The following MYO7B variants were observed in gnomAD, a reference collection of about 807,000 sequenced individuals.
The protein encoded by MYO7B is unconventional myosin-VIIb.
Under a neutral mutation model 259.7 loss-of-function variants are expected in MYO7B, and 212 were observed. The observed-to-expected ratio is 0.82, with a 90% CI of 0.73 to 0.91. MYO7B has a LOEUF of 0.91. Among genes scored for constraint, MYO7B ranks in the 40% least tolerant of loss-of-function variants. The pLI is 0.00. For missense variants in MYO7B, 2,732 were observed against 2,813.5 expected, an observed-to-expected ratio of 0.97 and a Z score of 0.66; for synonymous variants, 1,197 against 1,166.4, an observed-to-expected ratio of 1.03 and a Z score of -0.54.
chr2:127,637,225 G>T (rs1291767027), intron 47 of MYO7B, 91 bp from the exon 48 acceptor site: 5 of 1,029,984 alleles, frequency 4.9e-6, no homozygotes, highest in Non-Finnish European at 7.4e-6. Context: ...CTGCACTGCT[G>T]GTTGCTGAGG....
rs766574429 is a variant in MYO7B at position 127,569,777 on chromosome 2, C to A, written c.471-12C>A. The A allele has an allele frequency of 6.2e-7, 1 of 1,607,756 alleles. No homozygotes were observed. Among genetic ancestry groups the A allele is most frequent in the East Asian group, 2.2e-5 (1 of 44,654 alleles). ...TTTTGTGGCATCATGTCCCTGCACA[C>A]CCTTTTTGCAGCGGCGAGTCTGGGG... On this transcript the variant is annotated splice_polypyrimidine_tract_variant and intron_variant, in intron 5 of 47. Transcript: ENST00000409816.
chr2:127,603,861 T>C lies in MYO7B; in HGVS notation c.2340-1983T>C, dbSNP rs145379869. Among the ~76,000 whole-genome samples, 481 of 152,330 alleles carry C rather than the reference T, an allele frequency of 3.2e-3. 4 individuals carry two copies. The highest frequency in any genetic ancestry group is 0.02 in the Middle Eastern group (6 of 294). On this transcript the variant is annotated intron_variant, in intron 19 of 47. Transcript: ENST00000409816. ...ACATTGAAAATCTGTTGGCCAGGTGTGGTGGCTCATGCCTGTAATCCCAGC... is the reference window on the plus strand; with the variant it reads ...ACATTGAAAATCTGTTGGCCAGGTGCGGTGGCTCATGCCTGTAATCCCAGC...
Position 127,581,968 on chromosome 2 carries a change from G to C in MYO7B, c.1158G>C (p.Leu386=), listed in dbSNP as rs1477713297. The change falls in exon 11 of 48, where the codon CTG becomes CTC. Residue 386 remains leucine, a synonymous_variant. Transcript: ENST00000409816. ...LIRGEFVTRS[L]NIAQAADRRD... The stretch of plus-strand genomic sequence containing the variant: ...GAGGGGAATTTGTCACCAGGTCCCT[G>C]AACATTGCCCAGGCTGCTGACCGGA... 1 of 1,613,956 alleles carries C rather than the reference G, an allele frequency of 6.2e-7. No individual in the cohort carries two copies. The highest frequency in any genetic ancestry group is 8.5e-7 in the Non-Finnish European group (1 of 1,179,890).
rs776707238 is a variant in MYO7B at position 127,636,747 on chromosome 2, G to A, written c.6208-47G>A. 16 of 1,612,514 alleles carry A rather than the reference G, an allele frequency of 9.9e-6. No individual in the cohort carries two copies. The highest frequency in any genetic ancestry group is 4.4e-5 in the South Asian group (4 of 90,958). On this transcript the variant is annotated intron_variant, in intron 46 of 47. Coordinates refer to ENST00000409816, the MANE Select transcript of MYO7B (RefSeq NM_001393586.1). The surrounding 1 kb of genome is among the most constrained non-coding windows in gnomAD (Gnocchi z 4.5). Reference sequence around the variant, plus strand: ...TCTCCTGTCCCCTAACACACACAGAGCCCGTGCTCTGGAGGCGTCCGGCCC... The same window carrying A: ...TCTCCTGTCCCCTAACACACACAGAACCCGTGCTCTGGAGGCGTCCGGCCC...
In MYO7B at chr2:127,559,868, T is replaced by C. The variant is rs1033949378; in HGVS notation, c.18+128T>C. The C allele has an allele frequency of 3.8e-5, 42 of 1,111,654 alleles. No homozygotes were observed. In the African/African-American group the frequency reaches 5.7e-4, roughly 15 times the overall value. 68.9% of individuals were successfully genotyped at this position (1,111,654 alleles called of 1,614,324 possible). A position where few individuals can be genotyped will look rare whatever the true frequency, so the allele number is the denominator to read the frequency against. On this transcript the variant is annotated intron_variant, in intron 2 of 47. Transcript: ENST00000409816. This position sits in a 1 kb window ranked among gnomAD's most constrained non-coding sequence, Gnocchi z 4.1. The stretch of plus-strand genomic sequence containing the variant: ...GGAAAATACCAGAGACAGGGGAGTT[T>C]AGGAAACACGACAGATTCTAGCATC...
intron 7 of MYO7B, among the ~76,000 whole-genome samples, chr2:127,574,422 C>T (rs1678779590): frequency 6.6e-6 from 1 of 152,198 alleles, no homozygotes; most frequent in Non-Finnish European, 1.5e-5. Context: ...CGCCTGTAAT[C>T]CCAGCTACTT....
At chr2:127,592,670 C>T in intron 16 of MYO7B, 124 bp from the exon 17 acceptor site, 1 of 1,107,024 alleles carries the variant, frequency 9.0e-7, no homozygotes, top group Non-Finnish European at 1.2e-6. Context: ...TGGGGGTGGG[C>T]GGGGCGGGGG....
At chr2:127,605,682 T>C (rs1680135343) in intron 19 of MYO7B, among the ~76,000 whole-genome samples, 162 bp from the exon 20 acceptor site, 1 of 152,254 alleles carries the variant, frequency 6.6e-6, no homozygotes. Context: ...CTAACCTGCC[T>C]GTGCGTCTTT....
Position 127,586,858 on chromosome 2 carries a change from A to G in MYO7B, c.1691-1534A>G, listed in dbSNP as rs1226537998. On this transcript the variant is annotated intron_variant, in intron 14 of 47. Transcript: ENST00000409816. The surrounding 1 kb of genome is among the most constrained non-coding windows in gnomAD (Gnocchi z 4.8). ...GAGTGTCTCAACCCTCCCCACCCTT[A>G]AAACATCCAGGGAGCTCCCTGCCCC... 1.3e-5 allele frequency among the ~76,000 whole-genome samples: 2 copies of G among 151,904 alleles called. No homozygotes were observed. The highest frequency in any genetic ancestry group is 4.8e-5 in the African/African-American group (2 of 41,364).
intron 24 of MYO7B, 100 bp downstream of exon 24, chr2:127,610,116 C>T: frequency 6.8e-7 from 1 of 1,460,758 alleles, no homozygotes; most frequent in Non-Finnish European, 9.2e-7. Flanking sequence ...GAGACAAGAC[C>T]TGGAGCCCTG....
At chr2:127,557,685 A>G (rs1296771707) in intron 1 of MYO7B, among the ~76,000 whole-genome samples, 1 of 152,164 alleles carries the variant, frequency 6.6e-6, no homozygotes. Context: ...CCAGTAATAA[A>G]CCCAATTGCT....
At chr2:127,558,369 G>A (rs1422560305) in intron 1 of MYO7B, among the ~76,000 whole-genome samples, 1 of 152,214 alleles carries the variant, frequency 6.6e-6, no homozygotes, top group Non-Finnish European at 1.5e-5. Context: ...TGGATGCAGT[G>A]AAAAGGGAAT....
chr2:127,599,766 A>G (rs1311649552), intron 19 of MYO7B, among the ~76,000 whole-genome samples: 1 of 152,148 alleles, frequency 6.6e-6, no homozygotes, highest in Non-Finnish European at 1.5e-5. Flanking sequence ...TCAGTTGATA[A>G]TGATATGTGA....
At position 127,637,605 on chromosome 2, in the gene MYO7B, G is replaced by A. The variant is rs908786748; in HGVS notation, c.*188G>A. The A allele has an allele frequency of 2.3e-5, 11 of 478,822 alleles. No individual in the cohort carries two copies. The highest frequency in any genetic ancestry group is 9.7e-5 in the South Asian group (2 of 20,658). 29.7% of individuals were successfully genotyped at this position (478,822 alleles called of 1,614,324 possible). On this transcript the variant is annotated 3_prime_UTR_variant, in exon 48 of 48. Transcript: ENST00000409816. ...GCGCTGCCCAGGGAGGCCAAAAGAC[G>A]GGCCCAGAATGGGGTCGGGAGTCTC...
chr2:127,637,431 C>T lies in MYO7B; in HGVS notation c.*14C>T, dbSNP rs141894925. The T allele has an allele frequency of 4.4e-5, 66 of 1,492,354 alleles. No individual in the cohort carries two copies. Among genetic ancestry groups the T allele is most frequent in the Middle Eastern group, 3.6e-4 (2 of 5,624 alleles). The allele number at this position is 1,492,354 out of a possible 1,614,324, so 92.4% of individuals were successfully genotyped here. On this transcript the variant is annotated 3_prime_UTR_variant, in exon 48 of 48. Coordinates refer to ENST00000409816, the MANE Select transcript of MYO7B (RefSeq NM_001393586.1). ...GCCAGCACCTAGCAGCGGATGCTGGCGTGTCTGCTCAGGCGCCCTTCCCGA... is the reference window on the plus strand; with the variant it reads ...GCCAGCACCTAGCAGCGGATGCTGGTGTGTCTGCTCAGGCGCCCTTCCCGA...
rs1677982674 is a variant in MYO7B, at chr2:127,559,596, G to A, written c.-23-104G>A. ...TTGTTTTTGAGCCAGGTCCCATGCC[G>A]GGCACTTAGGGAAGTGTTGGTGAAC... is the stretch of plus-strand genomic sequence containing the variant. On this transcript the variant is annotated intron_variant, in intron 1 of 47. Transcript: ENST00000409816. This position sits in a 1 kb window ranked among gnomAD's most constrained non-coding sequence, Gnocchi z 4.1. 1.2e-5 allele frequency: 12 copies of A among 1,021,922 alleles called. No individual in the cohort carries two copies. The highest frequency in any genetic ancestry group is 3.9e-5 in the South Asian group (3 of 77,876). 63.3% of individuals were successfully genotyped at this position (1,021,922 alleles called of 1,614,324 possible).
chr2:127,547,575 G>T (rs1459677822), intron 1 of MYO7B, among the ~76,000 whole-genome samples: 1 of 152,200 alleles, frequency 6.6e-6, no homozygotes, highest in Non-Finnish European at 1.5e-5. Flanking sequence ...ATCCTTGAGT[G>T]TCATAAAGAT....
chr2:127,637,122 C>A, intron 47 of MYO7B, 194 bp from the exon 48 acceptor site: 1 of 1,006,504 alleles, frequency 9.9e-7, no homozygotes, highest in Non-Finnish European at 1.5e-6. Flanking sequence ...GCGCCCTTGG[C>A]CCATTCCAAG....
intron 1 of MYO7B, among the ~76,000 whole-genome samples, chr2:127,553,970 G>A (rs1693547013): frequency 6.6e-6 from 1 of 152,214 alleles, no homozygotes; most frequent in African/African-American, 2.4e-5. Flanking sequence ...ACCATAAAAG[G>A]ATGCTAGATT....
Sources: allele counts gnomAD v4.1 joint callset (sites outside exome capture counted in the v4.1 genomes callset), GRCh38; gene constraint gnomAD v4.1.1; non-coding constraint Gnocchi (gnomAD v3.1); transcripts MANE v1.5; gene names NCBI Gene and HGNC (gene_info 2026-07-23, HGNC 2026-07-21).